Variants in BRWD1 observed in about 807,000 individuals in gnomAD.
BRWD1 encodes the protein bromodomain and WD repeat domain containing 1.
In BRWD1, 82 loss-of-function variants were observed where a neutral mutation model predicts 251.2. The ratio of observed to expected loss-of-function variants is 0.33; its 90% CI spans 0.27 to 0.39. The LOEUF (loss-of-function observed/expected upper bound fraction) is 0.39, where lower values mean the gene tolerates loss of function less well. Ranked by LOEUF, BRWD1 falls within the 10% of genes least tolerant of loss-of-function variation. BRWD1 has a pLI of 1.00. For missense variants in BRWD1, 2,233 were observed against 2,711.6 expected, an observed-to-expected ratio of 0.82 and a Z score of 3.92; for synonymous variants, 918 against 902.8, an observed-to-expected ratio of 1.02 and a Z score of -0.30.
At chr21:39,203,462 T>TTTTTTTTTTTA (rs869282195) in intron 37 of BRWD1, among the ~76,000 whole-genome samples, 2 of 117,608 alleles carry the variant, frequency 1.7e-5, no homozygotes, top group African/African-American at 3.0e-5. Context: ...TTTTTTTTTT[T>TTTTTTTTTTTA]GAGACAGAGT....
chr21:39,267,947 T>G (rs1041631085), intron 15 of BRWD1, among the ~76,000 whole-genome samples: 2 of 152,080 alleles, frequency 1.3e-5, no homozygotes, highest in Admixed American at 1.3e-4. Context: ...CAAAACTATG[T>G]GCAAGCACAT....
intron 8 of BRWD1, among the ~76,000 whole-genome samples, chr21:39,286,608 G>A (rs1026896279): frequency 4.6e-5 from 7 of 151,202 alleles, no homozygotes; most frequent in South Asian, 2.1e-4. Context: ...TCCACCTCCC[G>A]GCTTCAAGCG....
chr21:39,235,726 A>G, intron 23 of BRWD1: 1 of 188,584 alleles, frequency 5.3e-6, no homozygotes, highest in South Asian at 1.1e-4. Flanking sequence ...GATTTACAAA[A>G]CTCTAATGCT....
chr21:39,271,953 C>T (rs1444023516), intron 13 of BRWD1, among the ~76,000 whole-genome samples: 1 of 139,638 alleles, frequency 7.2e-6, no homozygotes, highest in African/African-American at 2.7e-5. Flanking sequence ...GAAGGAGAAT[C>T]ACTTGAACCC....
In BRWD1 at chr21:39,274,607, G is replaced by T. The variant is rs910279762; in HGVS notation, c.1146-135C>A. The T allele has an allele frequency of 8.1e-6, 6 of 737,858 alleles. No homozygotes were observed. In the African/African-American group the frequency reaches 1.1e-4, roughly 13 times the overall value. The allele number at this position is 737,858 out of a possible 1,614,324, so 45.7% of individuals were successfully genotyped here. A position where few individuals can be genotyped will look rare whatever the true frequency, so the allele number is the denominator to read the frequency against. On this transcript the variant is annotated intron_variant, in intron 12 of 40. Transcript: ENST00000342449. ...ACAATCCACAGGTGTTAATTCAAAA[G>T]ACAAGGTATTTAGAGCGTATCTGGA...
intron 22 of BRWD1, among the ~76,000 whole-genome samples, chr21:39,237,436 T>C (rs1389040411): frequency 6.6e-6 from 1 of 152,182 alleles, no homozygotes; most frequent in East Asian, 1.9e-4. Context: ...AATAAAGGAC[T>C]CTACTTGGGC....
chr21:39,316,213 G>A (rs1327014602), upstream of BRWD1, among the ~76,000 whole-genome samples: 2 of 152,230 alleles, frequency 1.3e-5, no homozygotes, highest in East Asian at 3.8e-4. Flanking sequence ...GAAGAGACAA[G>A]ATCAGAAGTA....
intron 18 of BRWD1, 61 bp downstream of exon 18, chr21:39,258,426 C>A: frequency 7.4e-7 from 1 of 1,350,862 alleles, no homozygotes; most frequent in South Asian, 1.8e-5. Flanking sequence ...ACAAAGACTT[C>A]GTTTACTCTT....
chr21:39,296,218 A>T (rs773924356), intron 6 of BRWD1, 47 bp downstream of exon 6: 1 of 1,457,098 alleles, frequency 6.9e-7, no homozygotes, highest in Non-Finnish European at 9.3e-7. Flanking sequence ...TTGTTGAGAA[A>T]TTTAAAAACA....
In BRWD1 at chr21:39,193,612, T is replaced by G. The variant is rs2031665121; in HGVS notation, c.*2647A>C. The G allele has an allele frequency of 1.0e-6, 1 of 985,404 alleles. No individual in the cohort carries two copies. Among genetic ancestry groups the G allele is most frequent in the Admixed American group, 6.2e-5 (1 of 16,208 alleles). 61.0% of individuals were successfully genotyped at this position (985,404 alleles called of 1,614,324 possible). On this transcript the variant is annotated 3_prime_UTR_variant, in exon 41 of 41. Coordinates refer to ENST00000342449, the MANE Select transcript of BRWD1 (RefSeq NM_033656.4). Reference sequence around the variant, plus strand: ...ACATACACAACCAAAGTAGTTTTTGTTTTTCACATACACCATTAAGTTGAA... The same window carrying G: ...ACATACACAACCAAAGTAGTTTTTGGTTTTCACATACACCATTAAGTTGAA...
In BRWD1 at chr21:39,195,457, A is replaced by T. The variant is rs1322522451; in HGVS notation, c.*802T>A. The T allele has an allele frequency of 1.0e-6, 1 of 985,610 alleles. No homozygotes were observed. Among genetic ancestry groups the T allele is most frequent in the Admixed American group, 6.2e-5 (1 of 16,242 alleles). 61.1% of individuals were successfully genotyped at this position (985,610 alleles called of 1,614,324 possible). A position where few individuals can be genotyped will look rare whatever the true frequency, so the allele number is the denominator to read the frequency against. On this transcript the variant is annotated 3_prime_UTR_variant, in exon 41 of 41. Coordinates refer to ENST00000342449, the MANE Select transcript of BRWD1 (RefSeq NM_033656.4). ...TTTTGGTTAAATCCCTTACAATGGAAACCAGGAGATCTTGGACAGAAGACA... is the reference window on the plus strand; with the variant it reads ...TTTTGGTTAAATCCCTTACAATGGATACCAGGAGATCTTGGACAGAAGACA...
chr21:39,266,902 G>A (rs2034940001), intron 15 of BRWD1, among the ~76,000 whole-genome samples: 2 of 152,196 alleles, frequency 1.3e-5, no homozygotes, highest in Admixed American at 1.3e-4. Flanking sequence ...CACGTGAAAT[G>A]TTTTTTCAGA....
chr21:39,229,570 A>G, intron 25 of BRWD1, 134 bp from the exon 26 acceptor site: 1 of 765,128 alleles, frequency 1.3e-6, no homozygotes, highest in Non-Finnish European at 2.1e-6. Flanking sequence ...TAATACCATT[A>G]ATTACATTCA....
chr21:39,251,772 GC>G (rs1485777609), intron 19 of BRWD1, among the ~76,000 whole-genome samples: 1 of 152,136 alleles, frequency 6.6e-6, no homozygotes. Context: ...GAGATTTTCA[GC>G]TTGCAGCCAA....
At chr21:39,251,272 T>C (rs938326413) in intron 19 of BRWD1, among the ~76,000 whole-genome samples, 1 of 152,214 alleles carries the variant, frequency 6.6e-6, no homozygotes, top group Non-Finnish European at 1.5e-5. Flanking sequence ...TGATAATTTA[T>C]AGAAAACAAG....
Position 39,299,263 on chromosome 21 carries a change from T to A in BRWD1, c.199-681A>T, listed in dbSNP as rs540294313. On this transcript the variant is annotated intron_variant, in intron 4 of 40. Transcript: ENST00000342449. Reference sequence around the variant, plus strand: ...CGCCTGTCTCAAAAAAAAAAAAATATATATATATGCTAACTGGCCTGTAAG... The same window carrying A: ...CGCCTGTCTCAAAAAAAAAAAAATAAATATATATGCTAACTGGCCTGTAAG... Among the ~76,000 whole-genome samples the A allele has an allele frequency of 3.3e-5, 5 of 149,582 alleles. No homozygotes were observed. The East Asian group carries it at 9.8e-4, about 29-fold the overall frequency.
rs2031411066 is a variant in BRWD1, at chr21:39,189,133, T to C, written c.*7126A>G. On this transcript the variant is annotated 3_prime_UTR_variant, in exon 41 of 41. Transcript: ENST00000342449. ...ATGTTAGCAAATGCTAAAATGTAAA[T>C]ATGCTACAAAGGGTAAACAAAAATT... 1.0e-6 allele frequency: 1 copy of C among 984,154 alleles called. No individual in the cohort carries two copies. The highest frequency in any genetic ancestry group is 1.7e-5 in the African/African-American group (1 of 57,200). The allele number at this position is 984,154 out of a possible 1,614,324, so 61.0% of individuals were successfully genotyped here. A position where few individuals can be genotyped will look rare whatever the true frequency, so the allele number is the denominator to read the frequency against.
At chr21:39,321,175 T>A (rs1235639711) in exon 1 of BRWD1, 1 of 151,460 alleles carries the variant, frequency 6.6e-6, no homozygotes, top group Non-Finnish European at 1.5e-5. Context: ...CCAGGCGTAG[T>A]GGCTCATGCC....
chr21:39,271,591 G>A (rs1401885144), intron 13 of BRWD1, among the ~76,000 whole-genome samples: 1 of 150,754 alleles, frequency 6.6e-6, no homozygotes, highest in African/African-American at 2.4e-5. Flanking sequence ...CTACTACTCG[G>A]GAGGCTGAGG....
Sources: allele counts gnomAD v4.1 joint callset (sites outside exome capture counted in the v4.1 genomes callset), GRCh38; gene constraint gnomAD v4.1.1; transcripts MANE v1.5; gene names NCBI Gene and HGNC (gene_info 2026-07-23, HGNC 2026-07-21).